The following PDE4C variants were observed in gnomAD, a reference collection of about 807,000 sequenced individuals.
PDE4C encodes 3',5'-cyclic-AMP phosphodiesterase 4C.
A neutral mutation model predicts 63.9 loss-of-function variants in PDE4C; 50 were observed. The ratio of observed to expected loss-of-function variants is 0.78; its 90% CI spans 0.62 to 0.99. PDE4C has a LOEUF of 0.99. PDE4C is among the 50% of genes least tolerant of loss of function. The pLI is 0.00. For synonymous variants in PDE4C, 377 were observed against 385.1 expected (o/e 0.98, Z 0.25); for missense variants, 777 against 899.1 (o/e 0.86, Z 1.74).
rs1486794529 is a variant in PDE4C at position 18,211,615 on chromosome 19, C to T, written c.1695+144G>A. ...CCTGAAGCCCAGAGAGAATGGATCC[C>T]AGGTCTAACTCGGCCCAGACAGCAC... On this transcript the variant is annotated intron_variant, in intron 14 of 14. Coordinates refer to ENST00000262805, the Ensembl canonical transcript of PDE4C. 5 of 848,944 alleles carry T rather than the reference C, an allele frequency of 5.9e-6. No individual in the cohort carries two copies. In the Admixed American group the frequency reaches 9.6e-5, roughly 16 times the overall value. The allele number at this position is 848,944 out of a possible 1,614,324, so 52.6% of individuals were successfully genotyped here.
In PDE4C at chr19:18,222,117, CA is replaced by C. The variant is rs1968507941; in HGVS notation, c.338+14del. 1 of 1,597,216 alleles carries C rather than the reference CA, an allele frequency of 6.3e-7. No homozygotes were observed. Among genetic ancestry groups the C allele is most frequent in the South Asian group, 1.1e-5 (1 of 90,208 alleles). Reference sequence around the variant, plus strand: ...GAGGGTAGAGGCGGTGTCATCCCACCAGCCCCAGACTCACAGGTCGCTGGCC... The same window carrying C: ...GAGGGTAGAGGCGGTGTCATCCCACCGCCCCAGACTCACAGGTCGCTGGCC... On this transcript the variant is annotated intron_variant, in intron 2 of 14. Coordinates refer to ENST00000262805, the Ensembl canonical transcript of PDE4C.
At chr19:18,219,543 G>A (rs1470922051) in intron 7 of PDE4C, 146 bp from the exon 8 acceptor site, 5 of 891,772 alleles carry the variant, frequency 5.6e-6, no homozygotes, top group Non-Finnish European at 8.3e-6. Context: ...GACCCTGTCG[G>A]CCGGACGCAG....
At chr19:18,219,180 CCAGA>C (rs778386907) in intron 8 of PDE4C, 50 bp downstream of exon 8, 3 of 1,611,788 alleles carry the variant, frequency 1.9e-6, no homozygotes, top group East Asian at 4.5e-5. Flanking sequence ...GATAGGGCAT[CCAGA>C]CAGAGCCAGG....
upstream of PDE4C, among the ~76,000 whole-genome samples, chr19:18,228,212 AC>A (rs1226826078): frequency 6.6e-6 from 1 of 151,982 alleles, no homozygotes; most frequent in East Asian, 1.9e-4. Flanking sequence ...GACAATAGTT[AC>A]ATGTCCCCAA....
At chr19:18,243,610 A>G (rs1423461830) in intron 1 of PDE4C, among the ~76,000 whole-genome samples, 1 of 152,156 alleles carries the variant, frequency 6.6e-6, no homozygotes, top group African/African-American at 2.4e-5. Context: ...ATCTGGAATT[A>G]TGGGGGACCT....
chr19:18,224,710 C>T (rs2148038590), intron 1 of PDE4C, among the ~76,000 whole-genome samples: 1 of 152,364 alleles, frequency 6.6e-6, no homozygotes, highest in South Asian at 2.1e-4. Context: ...CGACTAAGAC[C>T]GGCCGCGCTC....
At chr19:18,225,554 AG>A (rs2148041250) in intron 1 of PDE4C, 1 of 152,394 alleles carries the variant, frequency 6.6e-6, no homozygotes, top group African/African-American at 2.4e-5. Flanking sequence ...GCGCGGACCA[AG>A]CGCAGGATGC....
At chr19:18,251,538 G>A (rs1377333547), upstream of PDE4C, among the ~76,000 whole-genome samples, 1 of 149,588 alleles carries the variant, frequency 6.7e-6, no homozygotes, top group Non-Finnish European at 1.5e-5. Flanking sequence ...GGGTTCAAGC[G>A]ATTCTCCTGC....
rs780646496 is a variant in PDE4C at position 18,222,338 on chromosome 19, G to A, written c.147-15C>T. 8.1e-6 allele frequency: 13 copies of A among 1,602,188 alleles called. No homozygotes were observed. The highest frequency in any genetic ancestry group is 1.1e-5 in the Non-Finnish European group (13 of 1,173,534). The stretch of plus-strand genomic sequence containing the variant: ...CCAGGTCAAAGCTGAAAGGAGAGAC[G>A]GCATGGTCAGAGACGAGGGTCATGA... On this transcript the variant is annotated splice_polypyrimidine_tract_variant and intron_variant, in intron 1 of 14. Transcript: ENST00000262805.
chr19:18,248,116 C>A lies in PDE4C; in HGVS notation c.-210+55G>T. ...GACCCCAGCACCTCTCCTGAGACGC[C>A]CCCAAGCTCAAGAATAAGCTTGCTC... On this transcript the variant is annotated intron_variant, in intron 1 of 15. Coordinates refer to the PDE4C transcript ENST00000594617. 5 of 455,160 alleles carry A rather than the reference C, an allele frequency of 1.1e-5. No homozygotes were observed. The Admixed American group carries it at 1.2e-4, about 11-fold the overall frequency. The allele number at this position is 455,160 out of a possible 1,614,324, so 28.2% of individuals were successfully genotyped here.
upstream of PDE4C, among the ~76,000 whole-genome samples, chr19:18,237,327 G>A (rs1457199775): frequency 6.6e-6 from 1 of 152,046 alleles, no homozygotes; most frequent in Non-Finnish European, 1.5e-5. Flanking sequence ...CAAGGCGGGA[G>A]GATCACCTGA....
chr19:18,226,528 C>G (rs561443176), upstream of PDE4C: 3 of 787,794 alleles, frequency 3.8e-6, no homozygotes, highest in East Asian at 3.5e-5. Context: ...GGCCCCGCCT[C>G]GAGGCCGGCG....
At chr19:18,249,957 G>A, upstream of PDE4C, 1 of 395,532 alleles carries the variant, frequency 2.5e-6, no homozygotes, top group East Asian at 3.6e-5. Context: ...TGTGACCCCA[G>A]CACAGAGCCC....
upstream of PDE4C, among the ~76,000 whole-genome samples, chr19:18,230,469 A>G (rs955011312): frequency 8.5e-5 from 13 of 152,160 alleles, no homozygotes; most frequent in African/African-American, 3.1e-4. Flanking sequence ...GTGCCACTGC[A>G]CCCGGCCTGG....
At chr19:18,249,441 AT>A (rs1170868934), upstream of PDE4C, among the ~76,000 whole-genome samples, 2 of 151,790 alleles carry the variant, frequency 1.3e-5, no homozygotes, top group Admixed American at 6.6e-5. Context: ...CGCCTGGCTA[AT>A]TTTTGTATTT....
intron 1 of PDE4C, among the ~76,000 whole-genome samples, chr19:18,222,726 G>T (rs1257070875): frequency 1.1e-5 from 1 of 92,672 alleles, no homozygotes; most frequent in Non-Finnish European, 2.1e-5. Context: ...TTTTGACAGG[G>T]CCCCACTTTG....
chr19:18,245,946 C>T lies in PDE4C; in HGVS notation c.-210+2225G>A, dbSNP rs528600179. Among the ~76,000 whole-genome samples the T allele has an allele frequency of 2.1e-4, 32 of 151,918 alleles. No individual in the cohort carries two copies. The South Asian group carries it at 2.5e-3, about 12-fold the overall frequency. On this transcript the variant is annotated intron_variant, in intron 1 of 15. Coordinates refer to the PDE4C transcript ENST00000594617. ...ACAAACTTCACCTCCCAGGTTCAAA[C>T]GATTCTACTGCCTCAGCCTCCCGAG...
rs560300591 is a variant in PDE4C, at chr19:18,222,570, G to A, written c.147-247C>T. 4.0e-5 allele frequency among the ~76,000 whole-genome samples: 6 copies of A among 150,734 alleles called. No individual in the cohort carries two copies. In the East Asian group the frequency reaches 1.2e-3, roughly 29 times the overall value. ...TCCTCAAAGTGGCTATGTGGCCATGGACAGGTACTGACTTTCTCTGGACCT... is the reference window on the plus strand; with the variant it reads ...TCCTCAAAGTGGCTATGTGGCCATGAACAGGTACTGACTTTCTCTGGACCT... On this transcript the variant is annotated intron_variant, in intron 1 of 14. Coordinates refer to ENST00000262805, the Ensembl canonical transcript of PDE4C.
Position 18,216,908 on chromosome 19 carries a change from G to A in PDE4C, c.1235-13C>T. 6.3e-7 allele frequency: 1 copy of A among 1,587,622 alleles called. No individual in the cohort carries two copies. Among genetic ancestry groups the A allele is most frequent in the East Asian group, 2.3e-5 (1 of 44,276 alleles). Reference sequence around the variant, plus strand: ...GCCAGCTCTGAGTCTGTGAGGGTATGGGACTGAGAGCCCCAAGATCCACCC... The same window carrying A: ...GCCAGCTCTGAGTCTGTGAGGGTATAGGACTGAGAGCCCCAAGATCCACCC... On this transcript the variant is annotated splice_polypyrimidine_tract_variant and intron_variant, in intron 11 of 14. Coordinates refer to ENST00000262805, the Ensembl canonical transcript of PDE4C.
Sources: allele counts gnomAD v4.1 joint callset (sites outside exome capture counted in the v4.1 genomes callset), GRCh38; gene constraint gnomAD v4.1.1; transcripts MANE v1.5; gene names NCBI Gene and HGNC (gene_info 2026-07-23, HGNC 2026-07-21).